Variants in FYB2 observed in about 807,000 individuals in gnomAD.
The protein encoded by FYB2 is FYN-binding protein 2.
A neutral mutation model predicts 94.1 loss-of-function variants in FYB2; 103 were observed. The observed-to-expected ratio is 1.09, with a 90% CI of 0.93 to 1.29. The LOEUF is 1.29. Ranked by LOEUF, FYB2 falls within the 50% of genes most tolerant of loss-of-function variation. The pLI is 0.00. For synonymous variants in FYB2, 293 were observed against 287.9 expected (o/e 1.02, Z -0.18); for missense variants, 896 against 841.5 (o/e 1.06, Z -0.80).
chr1:56,806,207 G>C (rs1646643872), intron 1 of FYB2, among the ~76,000 whole-genome samples: 1 of 152,180 alleles, frequency 6.6e-6, no homozygotes, highest in Admixed American at 6.5e-5. Flanking sequence ...CTGCTGTGAT[G>C]GAGCAGCACC....
At chr1:56,776,923 A>G (rs1439747567) in intron 4 of FYB2, among the ~76,000 whole-genome samples, 1 of 151,634 alleles carries the variant, frequency 6.6e-6, no homozygotes, top group Non-Finnish European at 1.5e-5. Flanking sequence ...TGATTTCACT[A>G]TTTCCTATAT....
intron 1 of FYB2, among the ~76,000 whole-genome samples, chr1:56,796,936 T>C (rs1244003011): frequency 6.6e-6 from 1 of 152,196 alleles, no homozygotes; most frequent in Non-Finnish European, 1.5e-5. Flanking sequence ...CAAAGATGAA[T>C]GAGGCAACCC....
intron 1 of FYB2, among the ~76,000 whole-genome samples, chr1:56,793,864 AG>A (rs1361904535): frequency 1.3e-5 from 2 of 151,972 alleles, no homozygotes; most frequent in Non-Finnish European, 2.9e-5. Context: ...TATGGTATGG[AG>A]AAAAGAACAA....
At chr1:56,785,888 C>A (rs1393977496) in intron 4 of FYB2, among the ~76,000 whole-genome samples, 2 of 152,182 alleles carry the variant, frequency 1.3e-5, no homozygotes, top group African/African-American at 4.8e-5. Context: ...TGCCATGAAA[C>A]TTTCAGCACC....
At chr1:56,817,795 A>G (rs1646917434) in intron 1 of FYB2, among the ~76,000 whole-genome samples, 1 of 152,194 alleles carries the variant, frequency 6.6e-6, no homozygotes, top group Non-Finnish European at 1.5e-5. Context: ...TGATTAGCTA[A>G]CAAACATGCT....
At chr1:56,719,742 A>T (rs745888537) in intron 19 of FYB2, 50 bp from the exon 20 acceptor site, 7 of 1,446,888 alleles carry the variant, frequency 4.8e-6, no homozygotes, top group South Asian at 3.6e-5. Flanking sequence ...GGACAATGAA[A>T]CAGTTGAGTG....
In FYB2 at chr1:56,767,988, T is replaced by G. The variant is rs1368252962; in HGVS notation, c.954-50A>C. 6 of 1,399,048 alleles carry G rather than the reference T, an allele frequency of 4.3e-6. No individual in the cohort carries two copies. In the South Asian group the frequency reaches 7.4e-5, roughly 17 times the overall value. 86.7% of individuals were successfully genotyped at this position (1,399,048 alleles called of 1,614,324 possible). A position where few individuals can be genotyped will look rare whatever the true frequency, so the allele number is the denominator to read the frequency against. ...ATGTAACATTTTTAAAAACATATTT[T>G]GAAAGCTTTTTGTATTTTTTCCTCA... On this transcript the variant is annotated intron_variant, in intron 4 of 19. Coordinates refer to ENST00000343433, the MANE Select transcript of FYB2 (RefSeq NM_001004303.5).
chr1:56,739,186 A>G (rs1644895860), intron 13 of FYB2, among the ~76,000 whole-genome samples: 2 of 152,126 alleles, frequency 1.3e-5, no homozygotes, highest in South Asian at 4.1e-4. Flanking sequence ...TATGTAGCCA[A>G]TGAATAGTTT....
At chr1:56,752,563 T>C (rs1051554265) in intron 8 of FYB2, among the ~76,000 whole-genome samples, 3 of 152,010 alleles carry the variant, frequency 2.0e-5, no homozygotes, top group Admixed American at 6.6e-5. Flanking sequence ...TTTTAGGTCA[T>C]AGTACCAAGA....
chr1:56,765,565 G>C (rs936144396), intron 5 of FYB2, among the ~76,000 whole-genome samples: 13 of 152,308 alleles, frequency 8.5e-5, no homozygotes, highest in African/African-American at 3.1e-4. Context: ...GGCTGGAGTA[G>C]ACTAGTTATT....
intron 4 of FYB2, among the ~76,000 whole-genome samples, chr1:56,779,073 C>T (rs1645949831): frequency 6.6e-6 from 1 of 151,882 alleles, no homozygotes; most frequent in Non-Finnish European, 1.5e-5. Context: ...AAAGGCCAGT[C>T]CATGGGTGGA....
intron 15 of FYB2, among the ~76,000 whole-genome samples, chr1:56,736,659 A>G (rs1481224264): frequency 6.6e-6 from 1 of 151,934 alleles, no homozygotes; most frequent in Admixed American, 6.6e-5. Flanking sequence ...CAGGCAATCC[A>G]CCTACCTCTG....
chr1:56,738,293 A>G (rs1011615206), intron 14 of FYB2, among the ~76,000 whole-genome samples: 2 of 152,148 alleles, frequency 1.3e-5, no homozygotes, highest in African/African-American at 2.4e-5. Context: ...AAAATGCATG[A>G]GTTTCATAGT....
intron 15 of FYB2, 103 bp downstream of exon 15, chr1:56,736,984 A>C (rs762145414): frequency 2.3e-6 from 2 of 885,834 alleles, no homozygotes; most frequent in Non-Finnish European, 3.5e-6. Context: ...CTTTTCATTC[A>C]ATCTCCAAGG....
intron 6 of FYB2, among the ~76,000 whole-genome samples, chr1:56,756,726 A>G (rs541354590): frequency 6.6e-6 from 1 of 152,188 alleles, no homozygotes; most frequent in East Asian, 1.9e-4. Flanking sequence ...CTGAACCTTA[A>G]TGTCATCTGT....
chr1:56,743,381 A>G (rs1054779462), intron 11 of FYB2, among the ~76,000 whole-genome samples: 8 of 152,094 alleles, frequency 5.3e-5, no homozygotes, highest in African/African-American at 1.9e-4. Context: ...TGTGACAAGT[A>G]CTATGAAAAA....
chr1:56,817,686 T>C (rs1646914722), intron 1 of FYB2, among the ~76,000 whole-genome samples: 1 of 151,896 alleles, frequency 6.6e-6, no homozygotes, highest in Non-Finnish European at 1.5e-5. Context: ...AACCAATCCT[T>C]CTTTCAAGAT....
chr1:56,767,802 C>T (rs758889159), intron 5 of FYB2, 27 bp downstream of exon 5: 5 of 1,484,430 alleles, frequency 3.4e-6, no homozygotes, highest in African/African-American at 2.8e-5. Context: ...CACAGGGTTA[C>T]ACTATTAATT....
Position 56,719,440 on chromosome 1 carries a change from A to G in FYB2, c.*231T>C, listed in dbSNP as rs981713608. ...CTGTTTCACATTCTCTTGAACTGAC[A>G]GTGAAGTAGATACTGAAATAGACAT... On this transcript the variant is annotated 3_prime_UTR_variant, in exon 20 of 20. Coordinates refer to ENST00000343433, the MANE Select transcript of FYB2 (RefSeq NM_001004303.5). 1.3e-5 allele frequency: 6 copies of G among 471,054 alleles called. No homozygotes were observed. The highest frequency in any genetic ancestry group is 8.0e-5 in the African/African-American group (4 of 50,156). 29.2% of individuals were successfully genotyped at this position (471,054 alleles called of 1,614,324 possible).
Sources: gnomAD v4.1 joint callset for allele counts (sites outside exome capture counted in the v4.1 genomes callset) on GRCh38, gnomAD v4.1.1 for gene constraint, MANE v1.5 for transcripts, NCBI Gene and HGNC (gene_info 2026-07-23, HGNC 2026-07-21) for gene names.